PARP8: variants seen among roughly 807,000 people sequenced by gnomAD.
PARP8 encodes the protein protein mono-ADP-ribosyltransferase PARP8.
In PARP8, 51 loss-of-function variants were observed where a neutral mutation model predicts 124.1. That is an observed-to-expected ratio of 0.41 (90% CI 0.33 to 0.52). The LOEUF (loss-of-function observed/expected upper bound fraction) is 0.52, where lower values mean the gene tolerates loss of function less well. Ranked by LOEUF, PARP8 falls within the 20% of genes least tolerant of loss-of-function variation. PARP8 has a pLI of 0.21. For missense variants in PARP8, 860 were observed against 1,018.9 expected, an observed-to-expected ratio of 0.84 and a Z score of 2.12; for synonymous variants, 391 against 361.5, an observed-to-expected ratio of 1.08 and a Z score of -0.93.
At chr5:50,818,073 T>A (rs1278520872) in intron 15 of PARP8, among the ~76,000 whole-genome samples, 1 of 152,098 alleles carries the variant, frequency 6.6e-6, no homozygotes, top group Non-Finnish European at 1.5e-5. Context: ...AGAAGGCAGA[T>A]ATATGTGTGT....
chr5:50,788,510 T>C lies in PARP8; in HGVS notation c.671-13T>C, dbSNP rs958676385. 5 of 1,611,668 alleles carry C rather than the reference T, an allele frequency of 3.1e-6. No homozygotes were observed. In the African/African-American group the frequency reaches 4.0e-5, roughly 13 times the overall value. On this transcript the variant is annotated splice_polypyrimidine_tract_variant and intron_variant, in intron 9 of 25. Transcript: ENST00000281631. ...CAAGTCAATATGTGACTGTGATCCT[T>C]TTTCCTTTCCAGTGCCCACTGTTGA...
chr5:50,836,028 G>A (rs1412853876), intron 25 of PARP8, among the ~76,000 whole-genome samples: 1 of 152,142 alleles, frequency 6.6e-6, no homozygotes, highest in African/African-American at 2.4e-5. Context: ...GGTTGCTTCG[G>A]TATACTGTAT....
At position 50,777,453 on chromosome 5, in the gene PARP8, C is replaced by CT. The variant is rs1481500223; in HGVS notation, c.519-614dup. 3.9e-5 allele frequency among the ~76,000 whole-genome samples: 6 copies of CT among 152,154 alleles called. No individual in the cohort carries two copies. In the South Asian group the frequency reaches 6.2e-4, roughly 16 times the overall value. On this transcript the variant is annotated intron_variant, in intron 7 of 25. Coordinates refer to ENST00000281631, the MANE Select transcript of PARP8 (RefSeq NM_024615.4). ...ACTTGTTTTTATATTCTTTCATTCG[C>CT]TTAAGAAGTATGTTGGTTCGTGGCA... is the stretch of plus-strand genomic sequence containing the variant.
chr5:50,708,226 A>G (rs1193250121), intron 2 of PARP8, among the ~76,000 whole-genome samples: 1 of 151,922 alleles, frequency 6.6e-6, no homozygotes, highest in Non-Finnish European at 1.5e-5. Flanking sequence ...CTTCTCCTCC[A>G]CCCTAGAGAC....
chr5:50,795,486 T>A (rs1580368165), intron 12 of PARP8, 69 bp downstream of exon 12: 3 of 1,297,460 alleles, frequency 2.3e-6, no homozygotes, highest in African/African-American at 1.5e-5. Context: ...TTTTTTCTTA[T>A]AAGATCTGGT....
rs185116170 is a variant in PARP8 at position 50,819,110 on chromosome 5, G to A, written c.1669-2103G>A. Among the ~76,000 whole-genome samples, 40 of 152,262 alleles carry A rather than the reference G, an allele frequency of 2.6e-4. No homozygotes were observed. In the East Asian group the frequency reaches 6.4e-3, roughly 24 times the overall value. The stretch of plus-strand genomic sequence containing the variant: ...TGAGCAGCTGCTTCCAGGTATTAGC[G>A]CTGTGTCCTGGAAGTGAGCAAGGAG... On this transcript the variant is annotated intron_variant, in intron 15 of 25. Coordinates refer to ENST00000281631, the MANE Select transcript of PARP8 (RefSeq NM_024615.4).
chr5:50,751,452 G>T (rs1163427014), intron 3 of PARP8, among the ~76,000 whole-genome samples: 1 of 152,068 alleles, frequency 6.6e-6, no homozygotes, highest in African/African-American at 2.4e-5. Flanking sequence ...TAATCTGTTT[G>T]GTGAAAGTAG....
chr5:50,830,777 C>T (rs1746869225), intron 22 of PARP8, among the ~76,000 whole-genome samples: 1 of 151,656 alleles, frequency 6.6e-6, no homozygotes, highest in Non-Finnish European at 1.5e-5. Context: ...GTTTTATATA[C>T]ATATAACTGC....
intron 7 of PARP8, among the ~76,000 whole-genome samples, chr5:50,773,324 C>T (rs948466286): frequency 2.0e-5 from 3 of 152,142 alleles, no homozygotes; most frequent in African/African-American, 7.2e-5. Context: ...ACATTTAAAT[C>T]TTTAATCCAC....
chr5:50,692,925 G>A (rs1253214970), intron 2 of PARP8, among the ~76,000 whole-genome samples: 1 of 152,064 alleles, frequency 6.6e-6, no homozygotes, highest in Non-Finnish European at 1.5e-5. Context: ...AGAGTTCTTT[G>A]AAGCAGGACT....
intron 2 of PARP8, among the ~76,000 whole-genome samples, chr5:50,724,365 G>A (rs1190921985): frequency 1.3e-5 from 2 of 152,064 alleles, no homozygotes; most frequent in Non-Finnish European, 2.9e-5. Flanking sequence ...CTAATCAAAT[G>A]TGTTGCTTTA....
chr5:50,817,440 A>C (rs1377390336), intron 15 of PARP8, among the ~76,000 whole-genome samples: 2 of 152,142 alleles, frequency 1.3e-5, no homozygotes, highest in Non-Finnish European at 1.5e-5. Flanking sequence ...TCTTTTTCTA[A>C]ACAAAAAGAA....
At position 50,763,204 on chromosome 5, in the gene PARP8, A is replaced by T; in HGVS notation, c.480A>T (p.Ala160=). The change falls in exon 7 of 26, where the codon GCA becomes GCT. Residue 160 remains alanine, a synonymous_variant. Transcript: ENST00000281631. ...CACAACTGGAAGCTGATTTGTCAGC[A>T]GTTAGAGAGATATATGGGCCACATG... is the stretch of plus-strand genomic sequence containing the variant. ...KHPQLEADLS[A]VREIYGPHAV... The T allele has an allele frequency of 6.2e-7, 1 of 1,613,594 alleles. No homozygotes were observed.
Position 50,680,313 on chromosome 5 carries a change from C to T in PARP8, c.146+12188C>T, listed in dbSNP as rs569505648. Among the ~76,000 whole-genome samples the T allele has an allele frequency of 1.1e-3, 172 of 152,196 alleles. 1 individual carries two copies. The highest frequency in any genetic ancestry group is 4.0e-3 in the African/African-American group (167 of 41,552). ...TTTTATTTTTTTCCACAATGACTCT[C>T]ATGGCTGTTGCTATAGTTGCTATAA... On this transcript the variant is annotated intron_variant, in intron 2 of 25. Coordinates refer to ENST00000281631, the MANE Select transcript of PARP8 (RefSeq NM_024615.4).
chr5:50,842,169 C>A lies in PARP8; in HGVS notation c.*101C>A, dbSNP rs1748249415. On this transcript the variant is annotated 3_prime_UTR_variant, in exon 26 of 26. Coordinates refer to ENST00000281631, the MANE Select transcript of PARP8 (RefSeq NM_024615.4). ...TAAAATTATTTATTGTTATTATAAACAAAATTAACCCTTTGAATACTGATT... is the reference window on the plus strand; with the variant it reads ...TAAAATTATTTATTGTTATTATAAAAAAAATTAACCCTTTGAATACTGATT... 2.5e-6 allele frequency: 2 copies of A among 792,394 alleles called. No individual in the cohort carries two copies. Among genetic ancestry groups the A allele is most frequent in the East Asian group, 3.0e-5 (1 of 33,474 alleles). The allele number at this position is 792,394 out of a possible 1,614,324, so 49.1% of individuals were successfully genotyped here.
chr5:50,696,409 C>T (rs1310065220), intron 2 of PARP8, among the ~76,000 whole-genome samples: 1 of 152,098 alleles, frequency 6.6e-6, no homozygotes, highest in African/African-American at 2.4e-5. Context: ...TGGAAGTATG[C>T]ATTAAATTTC....
intron 15 of PARP8, among the ~76,000 whole-genome samples, chr5:50,816,793 G>C (rs867670456): frequency 6.6e-6 from 1 of 152,012 alleles, no homozygotes; most frequent in African/African-American, 2.4e-5. Flanking sequence ...TACTTAGAGG[G>C]TTACTAAAAT....
At chr5:50,786,923 A>G (rs1349333934) in intron 9 of PARP8, among the ~76,000 whole-genome samples, 1 of 152,066 alleles carries the variant, frequency 6.6e-6, no homozygotes, top group Non-Finnish European at 1.5e-5. Flanking sequence ...GGCTTCTCCA[A>G]TTGCCTTCTT....
chr5:50,817,369 A>C (rs113669896), intron 15 of PARP8, among the ~76,000 whole-genome samples: 1 of 152,178 alleles, frequency 6.6e-6, no homozygotes, highest in Non-Finnish European at 1.5e-5. Flanking sequence ...TTCATACTTT[A>C]TTTCTTAAAA....
Sources: allele counts gnomAD v4.1 joint callset (sites outside exome capture counted in the v4.1 genomes callset), GRCh38; gene constraint gnomAD v4.1.1; transcripts MANE v1.5; gene names NCBI Gene and HGNC (gene_info 2026-07-23, HGNC 2026-07-21).